NPAS3: variants seen among roughly 807,000 people sequenced by gnomAD.
The protein encoded by NPAS3 is neuronal PAS domain-containing protein 3.
Under a neutral mutation model 73.1 loss-of-function variants are expected in NPAS3, and 14 were observed. That is an observed-to-expected ratio of 0.19 (90% CI 0.13 to 0.30). The LOEUF is 0.30. Ranked by LOEUF, NPAS3 falls within the 10% of genes least tolerant of loss-of-function variation. The probability of loss-of-function intolerance (pLI) is 1.00; values close to 1 mark genes in which losing one functional copy is unlikely to be tolerated. For synonymous variants in NPAS3, 620 were observed against 541.5 expected (o/e 1.14, Z -2.01); for missense variants, 1,096 against 1,250.0 (o/e 0.88, Z 1.86).
At chr14:33,763,177 G>A (rs1006862288) in intron 7 of NPAS3, among the ~76,000 whole-genome samples, 1 of 152,158 alleles carries the variant, frequency 6.6e-6, no homozygotes, top group Admixed American at 6.5e-5. Context: ...GCTTGCTTGA[G>A]GTCTTTCTGG....
chr14:33,691,650 G>C (rs1399375343), intron 6 of NPAS3, among the ~76,000 whole-genome samples: 4 of 152,262 alleles, frequency 2.6e-5, no homozygotes, highest in Admixed American at 6.5e-5. Flanking sequence ...GCTTTGACAG[G>C]TGCCCACTTT....
At chr14:33,785,007 C>A (rs2063124818) in intron 9 of NPAS3, among the ~76,000 whole-genome samples, 1 of 151,592 alleles carries the variant, frequency 6.6e-6, no homozygotes, top group African/African-American at 2.4e-5. Flanking sequence ...ACCTGGGCCT[C>A]CCAACGGGCT....
chr14:33,614,013 C>T (rs1190367091), intron 5 of NPAS3, among the ~76,000 whole-genome samples: 1 of 152,154 alleles, frequency 6.6e-6, no homozygotes, highest in Non-Finnish European at 1.5e-5. Flanking sequence ...GCTTTGTCTC[C>T]TGACTTGGGA....
At chr14:33,439,977 G>A (rs1036514949) in intron 4 of NPAS3, among the ~76,000 whole-genome samples, 2 of 152,048 alleles carry the variant, frequency 1.3e-5, no homozygotes, top group Non-Finnish European at 2.9e-5. Context: ...TTAGCTAGGC[G>A]TGGTGGCGGG....
At chr14:33,674,083 C>T (rs1300022167) in intron 5 of NPAS3, among the ~76,000 whole-genome samples, 1 of 152,156 alleles carries the variant, frequency 6.6e-6, no homozygotes, top group East Asian at 1.9e-4. Flanking sequence ...AAGACTCAGT[C>T]TTGCCCTAGA....
chr14:33,489,874 C>T (rs767720346), intron 4 of NPAS3, among the ~76,000 whole-genome samples: 89 of 152,214 alleles, frequency 5.8e-4, no homozygotes, highest in Non-Finnish European at 1.0e-3. Context: ...CAATTCAATA[C>T]CTCAGCATTG....
chr14:33,205,076 A>G (rs78964772), intron 2 of NPAS3, among the ~76,000 whole-genome samples: 3,931 of 152,274 alleles, frequency 0.026, 159 homozygotes, highest in African/African-American at 0.09. Context: ...TCCACACCCT[A>G]TATGCAAAAG....
intron 4 of NPAS3, among the ~76,000 whole-genome samples, chr14:33,429,968 T>C (rs2048714760): frequency 6.6e-6 from 1 of 152,128 alleles, no homozygotes; most frequent in African/African-American, 2.4e-5. Context: ...TGCAGATAAA[T>C]GGCTCATCTG....
intron 4 of NPAS3, among the ~76,000 whole-genome samples, chr14:33,462,251 T>C (rs766045563): frequency 3.3e-4 from 50 of 152,266 alleles, no homozygotes; most frequent in Non-Finnish European, 6.2e-4. Context: ...CGCAGTTCCT[T>C]CCCTATAGCC....
At chr14:33,489,253 A>C (rs1215254729) in intron 4 of NPAS3, among the ~76,000 whole-genome samples, 2 of 152,198 alleles carry the variant, frequency 1.3e-5, no homozygotes, top group African/African-American at 4.8e-5. Flanking sequence ...CTCCGAAGGA[A>C]AGTCAATATA....
intron 2 of NPAS3, among the ~76,000 whole-genome samples, chr14:33,181,186 T>C (rs905377859): frequency 2.0e-5 from 3 of 152,182 alleles, no homozygotes; most frequent in African/African-American, 7.2e-5. Flanking sequence ...TGCTTAAAGA[T>C]GACAAGGCCG....
At chr14:33,466,332 C>T (rs1404487253) in intron 4 of NPAS3, among the ~76,000 whole-genome samples, 1 of 152,160 alleles carries the variant, frequency 6.6e-6, no homozygotes, top group East Asian at 1.9e-4. Flanking sequence ...AATAGAAAAA[C>T]ACAGATGCTA....
intron 5 of NPAS3, among the ~76,000 whole-genome samples, chr14:33,576,264 G>A (rs987709230): frequency 2.6e-5 from 4 of 152,100 alleles, no homozygotes; most frequent in African/African-American, 7.2e-5. Flanking sequence ...TTATATTTGA[G>A]TGTAAATTTT....
intron 1 of NPAS3, among the ~76,000 whole-genome samples, chr14:33,053,939 C>A (rs1289192976): frequency 6.6e-6 from 1 of 152,066 alleles, no homozygotes; most frequent in Non-Finnish European, 1.5e-5. Context: ...TAATTTAGAG[C>A]AAAATATAAG....
chr14:33,756,015 A>T (rs979076507), intron 7 of NPAS3, among the ~76,000 whole-genome samples: 1 of 152,040 alleles, frequency 6.6e-6, no homozygotes, highest in Admixed American at 6.6e-5. Flanking sequence ...TGCCCCCATG[A>T]CCCAAACACC....
rs77818127 is a variant in NPAS3 at position 33,628,564 on chromosome 14, G to A, written c.559-47647G>A. Among the ~76,000 whole-genome samples, 1,073 of 152,294 alleles carry A rather than the reference G, an allele frequency of 7.0e-3. 13 individuals carry two copies. Among genetic ancestry groups the A allele is most frequent in the African/African-American group, 0.024 (997 of 41,548 alleles). On this transcript the variant is annotated intron_variant, in intron 5 of 11. Transcript: ENST00000356141. ...TGTTAACACCTAGTTGCGATGCTCC[G>A]TCCATTAGTTGCATATCATCTTTGT... is the stretch of plus-strand genomic sequence containing the variant.
chr14:33,720,879 A>G (rs2061089191), intron 6 of NPAS3, among the ~76,000 whole-genome samples: 1 of 152,154 alleles, frequency 6.6e-6, no homozygotes, highest in Admixed American at 6.6e-5. Context: ...GGTGATCTTC[A>G]GACTTCAGGA....
intron 5 of NPAS3, among the ~76,000 whole-genome samples, chr14:33,573,737 T>C (rs1489019768): frequency 1.3e-5 from 2 of 152,150 alleles, no homozygotes; most frequent in Admixed American, 6.5e-5. Context: ...TAAAATATTT[T>C]AAAGGGAAAA....
chr14:33,577,509 A>C (rs1410128788), intron 5 of NPAS3, among the ~76,000 whole-genome samples: 3 of 152,112 alleles, frequency 2.0e-5, no homozygotes, highest in Non-Finnish European at 4.4e-5. Flanking sequence ...TGTGAGGCTG[A>C]GTATGAAAAT....
Sources: gnomAD v4.1 joint callset for allele counts (sites outside exome capture counted in the v4.1 genomes callset) on GRCh38, gnomAD v4.1.1 for gene constraint, MANE v1.5 for transcripts, NCBI Gene and HGNC (gene_info 2026-07-23, HGNC 2026-07-21) for gene names.